Variants in TENM2 observed in about 807,000 individuals in gnomAD.
The protein encoded by TENM2 is teneurin-2.
In TENM2, 52 loss-of-function variants were observed where a neutral mutation model predicts 245.2. The ratio of observed to expected loss-of-function variants is 0.21; its 90% CI spans 0.17 to 0.27. The LOEUF (loss-of-function observed/expected upper bound fraction) is 0.27. Ranked by LOEUF, TENM2 falls within the 10% of genes least tolerant of loss-of-function variation. TENM2 has a pLI of 1.00. For synonymous variants in TENM2, 1,363 were observed against 1,438.9 expected, an observed-to-expected ratio of 0.95 and a Z score of 1.19; for missense variants, 3,046 against 3,666.8, an observed-to-expected ratio of 0.83 and a Z score of 4.37.
At chr5:166,992,045 T>C in the TENM2 span, among the ~76,000 whole-genome samples, 1 of 130,856 alleles carries the variant, frequency 7.6e-6, no homozygotes, top group African/African-American at 2.8e-5. Flanking sequence ...AATAAATATC[T>C]GTTTCATATT....
chr5:168,150,772 T>A lies in TENM2; in HGVS notation c.2423-11839T>A, dbSNP rs181008836. On this transcript the variant is annotated intron_variant, in intron 12 of 28. Coordinates refer to ENST00000518659, the Ensembl canonical transcript of TENM2. ...TTCTCCCTGTACAGTCCTACCTGGC[T>A]AGGGGGGCGCAAAGTGCATGGGCTG... Among the ~76,000 whole-genome samples, 811 of 152,298 alleles carry A rather than the reference T, an allele frequency of 5.3e-3. 8 individuals carry two copies. The highest frequency in any genetic ancestry group is 0.019 in the African/African-American group (788 of 41,578).
chr5:167,314,758 A>G (rs539780085), intron 1 of TENM2, among the ~76,000 whole-genome samples: 159 of 152,208 alleles, frequency 1.0e-3, no homozygotes, highest in African/African-American at 3.7e-3. Flanking sequence ...GTATTATTAT[A>G]AAGATATGCT....
At chr5:167,428,380 C>T (rs1764007738) in intron 2 of TENM2, among the ~76,000 whole-genome samples, 1 of 152,112 alleles carries the variant, frequency 6.6e-6, no homozygotes. Flanking sequence ...TATTGAAATT[C>T]TTAAAGACTG....
chr5:167,782,989 G>A (rs2150845212), intron 2 of TENM2, among the ~76,000 whole-genome samples: 1 of 152,192 alleles, frequency 6.6e-6, no homozygotes, highest in East Asian at 1.9e-4. Flanking sequence ...TAATAATCAG[G>A]TGCATGCCTC....
chr5:167,893,216 C>T (rs1057414080), intron 3 of TENM2, among the ~76,000 whole-genome samples: 3 of 152,040 alleles, frequency 2.0e-5, no homozygotes, highest in Admixed American at 6.6e-5. Flanking sequence ...CTATTCAGGC[C>T]AAAGAGTTGG....
chr5:167,405,105 A>G (rs1762561126), intron 2 of TENM2, among the ~76,000 whole-genome samples: 1 of 152,158 alleles, frequency 6.6e-6, no homozygotes, highest in South Asian at 2.1e-4. Flanking sequence ...GTGCCACAGA[A>G]TGTGTCAGTT....
chr5:168,201,710 A>G (rs1761956625), intron 17 of TENM2, among the ~76,000 whole-genome samples: 2 of 152,202 alleles, frequency 1.3e-5, no homozygotes. Flanking sequence ...GGATCCCATT[A>G]AGATCCACCT....
intron 9 of TENM2, among the ~76,000 whole-genome samples, chr5:168,115,179 G>A (rs1240236641): frequency 4.0e-5 from 6 of 151,824 alleles, no homozygotes; most frequent in African/African-American, 9.7e-5. Flanking sequence ...CTGTAGTCCC[G>A]CTACTCAGGA....
At chr5:168,079,568 G>A (rs2152183108) in intron 7 of TENM2, among the ~76,000 whole-genome samples, 1 of 152,228 alleles carries the variant, frequency 6.6e-6, no homozygotes, top group East Asian at 1.9e-4. Context: ...CTGTGGGTTT[G>A]TCATAAATAG....
At chr5:167,556,941 C>T (rs890977905) in intron 2 of TENM2, among the ~76,000 whole-genome samples, 5 of 152,196 alleles carry the variant, frequency 3.3e-5, no homozygotes, top group African/African-American at 4.8e-5. Flanking sequence ...TCTGAATTCT[C>T]TGAACTCCTT....
intron 12 of TENM2, among the ~76,000 whole-genome samples, chr5:168,136,832 G>A (rs985347787): frequency 6.6e-6 from 1 of 152,084 alleles, no homozygotes; most frequent in Non-Finnish European, 1.5e-5. Flanking sequence ...TTAGATAAGC[G>A]GCTCTTAAAG....
chr5:167,853,194 G>A (rs1030192917), intron 2 of TENM2, among the ~76,000 whole-genome samples: 2 of 149,020 alleles, frequency 1.3e-5, no homozygotes, highest in Admixed American at 6.8e-5. Context: ...GGAGGCTGAG[G>A]CAGGAGAATG....
intron 2 of TENM2, among the ~76,000 whole-genome samples, chr5:167,539,407 CT>C (rs35385564): frequency 0.044 from 6,707 of 151,898 alleles, 376 homozygotes; most frequent in African/African-American, 0.13. Flanking sequence ...ATTCAAATGT[CT>C]TTTTTTTAAC....
chr5:167,877,119 C>G (rs1029377671), intron 3 of TENM2, among the ~76,000 whole-genome samples: 2 of 152,162 alleles, frequency 1.3e-5, no homozygotes, highest in African/African-American at 2.4e-5. Context: ...TGGGAGTTAT[C>G]TTCTGAACTG....
intron 5 of TENM2, among the ~76,000 whole-genome samples, chr5:168,001,835 A>G (rs1784438602): frequency 6.6e-6 from 1 of 152,238 alleles, no homozygotes; most frequent in Admixed American, 6.5e-5. Context: ...CTCTGCATTC[A>G]GAGAGCAAAT....
chr5:166,979,696 A>AT, the TENM2 span, among the ~76,000 whole-genome samples: 197 of 149,904 alleles, frequency 1.3e-3, 1 homozygote, highest in African/African-American at 4.0e-3. Flanking sequence ...TTTTCTATGT[A>AT]TTTTTTTTTC....
Position 168,106,557 on chromosome 5 carries a change from T to C in TENM2, c.1813+8430T>C, listed in dbSNP as rs138125012. 3.7e-3 allele frequency among the ~76,000 whole-genome samples: 561 copies of C among 152,350 alleles called. 1 individual carries two copies. Among genetic ancestry groups the C allele is most frequent in the Non-Finnish European group, 5.9e-3 (402 of 68,030 alleles). On this transcript the variant is annotated intron_variant, in intron 9 of 28. Coordinates refer to ENST00000518659, the Ensembl canonical transcript of TENM2. ...ATCACTGAGCAAGTAAGTGGAATTGTTGGGATTCCAACCAGGCAGTCTGGC... is the reference window on the plus strand; with the variant it reads ...ATCACTGAGCAAGTAAGTGGAATTGCTGGGATTCCAACCAGGCAGTCTGGC...
chr5:167,455,552 C>T (rs1377636867), intron 2 of TENM2, among the ~76,000 whole-genome samples: 1 of 150,802 alleles, frequency 6.6e-6, no homozygotes, highest in Non-Finnish European at 1.5e-5. Flanking sequence ...GATGTCTCTG[C>T]CAGATAGGGA....
At chr5:167,765,569 G>A (rs975086388) in intron 2 of TENM2, among the ~76,000 whole-genome samples, 12 of 152,314 alleles carry the variant, frequency 7.9e-5, no homozygotes, top group Admixed American at 1.3e-4. Context: ...GGATTAGCAC[G>A]AGCTGGGAAG....
Sources: allele counts gnomAD v4.1 joint callset (sites outside exome capture counted in the v4.1 genomes callset), GRCh38; gene constraint gnomAD v4.1.1; transcripts MANE v1.5; gene names NCBI Gene and HGNC (gene_info 2026-07-23, HGNC 2026-07-21).